Variants in ASIC2 observed in about 807,000 individuals in gnomAD.
The protein encoded by ASIC2 is acid sensing ion channel subunit 2.
Under a neutral mutation model 57.3 loss-of-function variants are expected in ASIC2, and 25 were observed. The observed-to-expected ratio is 0.44, with a 90% CI of 0.32 to 0.61. The LOEUF is 0.61. Among genes scored for constraint, ASIC2 ranks in the 20% least tolerant of loss-of-function variants. The probability of loss-of-function intolerance (pLI) is 0.06; values close to 1 mark genes in which losing one functional copy is unlikely to be tolerated. For missense variants in ASIC2, 641 were observed against 738.1 expected (o/e 0.87, Z 1.52); for synonymous variants, 319 against 307.5 (o/e 1.04, Z -0.39).
At chr17:33,795,085 A>T (rs1023227666) in intron 1 of ASIC2, among the ~76,000 whole-genome samples, 2 of 152,194 alleles carry the variant, frequency 1.3e-5, no homozygotes, top group African/African-American at 4.8e-5. Flanking sequence ...AAAGCTGGAG[A>T]TTGTAGGAGC....
intron 1 of ASIC2, among the ~76,000 whole-genome samples, chr17:33,561,997 C>A (rs990797894): frequency 2.0e-5 from 3 of 152,218 alleles, no homozygotes; most frequent in Non-Finnish European, 4.4e-5. Flanking sequence ...ACTTCCCAGA[C>A]TTCTCGGGTT....
intron 1 of ASIC2, among the ~76,000 whole-genome samples, chr17:33,476,547 GTGTGTGT>G (rs1567624930): frequency 1.5e-4 from 13 of 89,512 alleles, no homozygotes; most frequent in African/African-American, 2.0e-4. Context: ...GTACAGGGGT[GTGTGTGT>G]GTGTGTGTGT....
intron 1 of ASIC2, among the ~76,000 whole-genome samples, chr17:33,775,211 T>C (rs1911230007): frequency 6.6e-6 from 1 of 152,196 alleles, no homozygotes; most frequent in African/African-American, 2.4e-5. Flanking sequence ...GGGAGGCTAC[T>C]GCAGCCTCCT....
At chr17:33,565,779 CT>C (rs951258378) in intron 1 of ASIC2, 1 of 152,254 alleles carries the variant, frequency 6.6e-6, no homozygotes, top group African/African-American at 2.4e-5. Context: ...AAGAGAGCTT[CT>C]CTTCCTCCTC....
chr17:33,638,468 A>G (rs1906442594), intron 1 of ASIC2, among the ~76,000 whole-genome samples: 1 of 152,198 alleles, frequency 6.6e-6, no homozygotes, highest in Non-Finnish European at 1.5e-5. Flanking sequence ...ATCACCAAGA[A>G]TGCTCTGATC....
chr17:33,757,491 T>G (rs1383804836), intron 1 of ASIC2, among the ~76,000 whole-genome samples: 1 of 152,164 alleles, frequency 6.6e-6, no homozygotes, highest in Admixed American at 6.5e-5. Context: ...CTGTTCATTT[T>G]GCACTTAATG....
intron 1 of ASIC2, among the ~76,000 whole-genome samples, chr17:33,262,980 G>A (rs1027802292): frequency 2.6e-5 from 4 of 152,158 alleles, no homozygotes; most frequent in Non-Finnish European, 5.9e-5. Context: ...GCAAAAAGAT[G>A]CGAGAAGACT....
At chr17:33,291,099 A>C in intron 1 of ASIC2, 1 of 393,546 alleles carries the variant, frequency 2.5e-6, no homozygotes, top group Non-Finnish European at 4.4e-6. Context: ...GGGAAGAAGG[A>C]GGCTGACTAA....
At chr17:33,790,330 C>T (rs1030588075) in intron 1 of ASIC2, among the ~76,000 whole-genome samples, 2 of 152,138 alleles carry the variant, frequency 1.3e-5, no homozygotes, top group African/African-American at 4.8e-5. Context: ...TTTCTATTCA[C>T]TCTCTAGAAA....
At chr17:33,967,077 C>T (rs756892937) in intron 1 of ASIC2, among the ~76,000 whole-genome samples, 4 of 152,092 alleles carry the variant, frequency 2.6e-5, no homozygotes, top group Non-Finnish European at 5.9e-5. Flanking sequence ...TCTGAGTTTA[C>T]GCATAGCACC....
chr17:33,411,859 G>A (rs912179533), intron 1 of ASIC2, among the ~76,000 whole-genome samples: 2 of 152,150 alleles, frequency 1.3e-5, no homozygotes, highest in Admixed American at 6.5e-5. Context: ...GCATCACTGT[G>A]AGGGTCAAAT....
At chr17:33,707,417 A>G (rs962118565) in intron 1 of ASIC2, among the ~76,000 whole-genome samples, 6 of 151,890 alleles carry the variant, frequency 4.0e-5, no homozygotes, top group Non-Finnish European at 7.4e-5. Flanking sequence ...ACTCTTTTCC[A>G]TTACTTTGTC....
intron 1 of ASIC2, among the ~76,000 whole-genome samples, chr17:34,010,997 G>GACAC (rs1398975566): frequency 6.8e-4 from 1 of 1,464 alleles, no homozygotes; most frequent in Non-Finnish European, 1.6e-3. Flanking sequence ...CCTCTAGTCA[G>GACAC]ACACACACAC....
intron 6 of ASIC2, 51 bp downstream of exon 6, chr17:33,023,810 C>A: frequency 6.2e-7 from 1 of 1,605,166 alleles, no homozygotes; most frequent in Admixed American, 1.7e-5. Context: ...CTCCAATTTC[C>A]TCCTTATCCA....
At position 33,291,719 on chromosome 17, in the gene ASIC2, C is replaced by T; in HGVS notation, c.397G>A (p.Val133Ile). Residue 133 changes from valine (V) to isoleucine (I), a missense_variant, in exon 1 of 10, where the codon GTC (valine) becomes ATC (isoleucine). Val to Ile is a conservative substitution (Grantham distance 29). Coordinates refer to ENST00000225823, the MANE Select transcript of ASIC2 (RefSeq NM_183377.2). The part of the protein sequence containing the change: ...EWSRQLPFPA[V>I]TVCNNNPLRF... ...AGCGGGTTGTTGTTGCACACAGTGACGGCGGGGAAGGGTAACTGGCGGCTC... is the reference window on the plus strand; with the variant it reads ...AGCGGGTTGTTGTTGCACACAGTGATGGCGGGGAAGGGTAACTGGCGGCTC... 1.2e-6 allele frequency: 2 copies of T among 1,613,332 alleles called. No individual in the cohort carries two copies. Among genetic ancestry groups the T allele is most frequent in the Non-Finnish European group, 1.7e-6 (2 of 1,179,822 alleles).
chr17:33,579,283 T>A (rs1444294565), intron 1 of ASIC2, among the ~76,000 whole-genome samples: 1 of 82,684 alleles, frequency 1.2e-5, no homozygotes, highest in Non-Finnish European at 2.1e-5. Context: ...TGAAACTGTG[T>A]CTCAAAAAAA....
intron 1 of ASIC2, among the ~76,000 whole-genome samples, chr17:33,895,598 G>C (rs1161695973): frequency 6.6e-6 from 1 of 152,160 alleles, no homozygotes; most frequent in African/African-American, 2.4e-5. Context: ...AGCCAATTTT[G>C]CCTCTTAAGG....
chr17:33,976,152 CA>C lies in ASIC2; in HGVS notation c.555+179825del, dbSNP rs1567775666. Among the ~76,000 whole-genome samples, 1,178 of 149,368 alleles carry C rather than the reference CA, an allele frequency of 7.9e-3. 9 individuals carry two copies. The highest frequency in any genetic ancestry group is 0.027 in the African/African-American group (1,096 of 40,692). ...ACCCCATTTACAGATGATCTTGGAT[CA>C]TTTACAGATCCAAGATCATCTGTAA... is the stretch of plus-strand genomic sequence containing the variant. On this transcript the variant is annotated intron_variant, in intron 1 of 9. Transcript: ENST00000359872.
At chr17:33,418,020 ATGTATGTATG>A (rs1261317631) in intron 1 of ASIC2, among the ~76,000 whole-genome samples, 12 of 117,644 alleles carry the variant, frequency 1.0e-4, no homozygotes, top group African/African-American at 4.3e-4. Flanking sequence ...GGCTCTCAGC[ATGTATGTATG>A]TGTGTGTGTG....
Sources: allele counts gnomAD v4.1 joint callset (sites outside exome capture counted in the v4.1 genomes callset), GRCh38; gene constraint gnomAD v4.1.1; transcripts MANE v1.5; gene names NCBI Gene and HGNC (gene_info 2026-07-23, HGNC 2026-07-21).